The following PLEK variants were observed in gnomAD, a reference collection of about 807,000 sequenced individuals.
PLEK encodes platelet 47 kDa protein.
PLEK carries 25 observed loss-of-function variants against 43.9 expected under a neutral mutation model. That is an observed-to-expected ratio of 0.57 (90% CI 0.41 to 0.79). PLEK has a LOEUF of 0.79. Ranked by LOEUF, PLEK falls within the 30% of genes least tolerant of loss-of-function variation. The probability of loss-of-function intolerance (pLI) is 0.00; values close to 1 mark genes in which losing one functional copy is unlikely to be tolerated. For missense variants in PLEK, 396 were observed against 413.3 expected (o/e 0.96, Z 0.36); for synonymous variants, 152 against 144.4 (o/e 1.05, Z -0.38).
At chr2:68,370,733 G>A (rs192397957) in intron 1 of PLEK, among the ~76,000 whole-genome samples, 5 of 152,204 alleles carry the variant, frequency 3.3e-5, no homozygotes, top group East Asian at 3.9e-4. Flanking sequence ...TGATCCACCC[G>A]CCTTGGCCTC....
chr2:68,393,109 G>A (rs1370711566), intron 6 of PLEK, 53 bp from the exon 7 acceptor site: 2 of 1,028,344 alleles, frequency 1.9e-6, no homozygotes, highest in Non-Finnish European at 1.6e-6. Flanking sequence ...TGTTTGTACA[G>A]AGTGATGCTG....
intron 8 of PLEK, among the ~76,000 whole-genome samples, 155 bp from the exon 9 acceptor site, chr2:68,395,525 T>C (rs1673946667): frequency 6.6e-6 from 1 of 152,176 alleles, no homozygotes; most frequent in Non-Finnish European, 1.5e-5. Context: ...CAATGAATTA[T>C]CCTATAATCA....
intron 7 of PLEK, 104 bp from the exon 8 acceptor site, chr2:68,394,003 G>A (rs1673910268): frequency 2.6e-6 from 2 of 757,386 alleles, no homozygotes; most frequent in African/African-American, 1.7e-5. Flanking sequence ...ATTTTGGGGG[G>A]CCCTGATCTA....
chr2:68,387,188 TAA>T (rs1222320756), intron 5 of PLEK, among the ~76,000 whole-genome samples: 1 of 152,150 alleles, frequency 6.6e-6, no homozygotes, highest in East Asian at 1.9e-4. Flanking sequence ...GTATTTTTAG[TAA>T]AGACAGCGTT....
At chr2:68,386,465 A>G (rs1268775675) in intron 4 of PLEK, 37 bp from the exon 5 acceptor site, 1 of 1,556,958 alleles carries the variant, frequency 6.4e-7, no homozygotes, top group East Asian at 2.3e-5. Flanking sequence ...GTTCTTCGGT[A>G]AGGAGAGTTA....
In PLEK at chr2:68,397,313, A is replaced by G. The variant is rs1197909584; in HGVS notation, c.*1497A>G. The stretch of plus-strand genomic sequence containing the variant: ...TGGTTTTATCAATAGCCTAGAGGTA[A>G]AGAACTGTCTTTTTCTCTGATTCTT... On this transcript the variant is annotated 3_prime_UTR_variant, in exon 9 of 9. Coordinates refer to ENST00000234313, the MANE Select transcript of PLEK (RefSeq NM_002664.3). 6.6e-6 allele frequency: 1 copy of G among 152,168 alleles called. No individual in the cohort carries two copies. The highest frequency in any genetic ancestry group is 1.5e-5 in the Non-Finnish European group (1 of 68,032). 9.4% of individuals were successfully genotyped at this position (152,168 alleles called of 1,614,324 possible).
chr2:68,377,137 A>G (rs1392141327), intron 1 of PLEK, among the ~76,000 whole-genome samples: 1 of 152,162 alleles, frequency 6.6e-6, no homozygotes. Flanking sequence ...TCCATTGTGT[A>G]TATGTACTAC....
chr2:68,394,061 T>G, intron 7 of PLEK, 46 bp from the exon 8 acceptor site: 1 of 1,247,858 alleles, frequency 8.0e-7, no homozygotes, highest in Non-Finnish European at 1.2e-6. Context: ...GGTCTATCTA[T>G]ACTCTGCATT....
chr2:68,385,166 C>A (rs1420400542), intron 4 of PLEK, among the ~76,000 whole-genome samples: 2 of 152,192 alleles, frequency 1.3e-5, no homozygotes, highest in African/African-American at 2.4e-5. Context: ...TTATGGGGCA[C>A]AATTAATGTT....
chr2:68,393,898 T>C (rs1021372186), intron 7 of PLEK, among the ~76,000 whole-genome samples: 43 of 152,176 alleles, frequency 2.8e-4, no homozygotes, highest in African/African-American at 1.0e-3. Context: ...ATTTTCTCAT[T>C]GAGCCTCCTG....
chr2:68,370,971 C>T (rs1673387928), intron 1 of PLEK, among the ~76,000 whole-genome samples: 1 of 152,084 alleles, frequency 6.6e-6, no homozygotes, highest in Non-Finnish European at 1.5e-5. Context: ...TTTAGATGAT[C>T]ATGTAGAATA....
intron 4 of PLEK, among the ~76,000 whole-genome samples, chr2:68,385,010 C>A (rs1673708607): frequency 6.6e-6 from 1 of 152,174 alleles, no homozygotes. Flanking sequence ...TGCTGTCACT[C>A]CTGTTTTGAG....
At chr2:68,388,975 C>T (rs145303843) in intron 6 of PLEK, among the ~76,000 whole-genome samples, 111 of 152,188 alleles carry the variant, frequency 7.3e-4, no homozygotes, top group African/African-American at 2.4e-3. Context: ...AAAACCTGGG[C>T]ATGCAGAGGC....
intron 8 of PLEK, 104 bp downstream of exon 8, chr2:68,394,280 A>G: frequency 1.3e-6 from 1 of 792,068 alleles, no homozygotes; most frequent in Non-Finnish European, 2.3e-6. Flanking sequence ...AATCAGGATA[A>G]GCAGGAATGG....
At chr2:68,379,799 T>A (rs1319107467) in intron 1 of PLEK, among the ~76,000 whole-genome samples, 1 of 152,236 alleles carries the variant, frequency 6.6e-6, no homozygotes, top group African/African-American at 2.4e-5. Flanking sequence ...TCTTTTGTAT[T>A]ATTTTAATGA....
chr2:68,373,542 C>T (rs1457961245), intron 1 of PLEK, among the ~76,000 whole-genome samples: 3 of 150,798 alleles, frequency 2.0e-5, no homozygotes, highest in Non-Finnish European at 4.4e-5. Context: ...CTAACCTTCA[C>T]GTTGTGCACA....
intron 1 of PLEK, among the ~76,000 whole-genome samples, chr2:68,368,836 C>A (rs1673335229): frequency 6.6e-6 from 1 of 152,216 alleles, no homozygotes. Context: ...CTCACAAGCA[C>A]TTGGCGCAGC....
intron 1 of PLEK, among the ~76,000 whole-genome samples, chr2:68,367,327 ACTC>A (rs1208288997): frequency 6.6e-6 from 1 of 151,422 alleles, no homozygotes; most frequent in Admixed American, 6.6e-5. Flanking sequence ...ATATAGGTAA[ACTC>A]CTGTGACAGG....
At chr2:68,386,354 C>T in intron 4 of PLEK, 148 bp from the exon 5 acceptor site, 2 of 568,362 alleles carry the variant, frequency 3.5e-6, no homozygotes, top group Non-Finnish European at 6.3e-6. Context: ...GGTATCTATC[C>T]CACTTATTTT....
Sources: allele counts gnomAD v4.1 joint callset (sites outside exome capture counted in the v4.1 genomes callset), GRCh38; gene constraint gnomAD v4.1.1; transcripts MANE v1.5; gene names NCBI Gene and HGNC (gene_info 2026-07-23, HGNC 2026-07-21).